EPM2AIP1: variants seen among roughly 807,000 people sequenced by gnomAD.
EPM2AIP1 encodes the protein EPM2A-interacting protein 1.
A neutral mutation model predicts 44.8 loss-of-function variants in EPM2AIP1; 23 were observed. The observed-to-expected ratio is 0.51, with a 90% CI of 0.37 to 0.73. EPM2AIP1 has a LOEUF of 0.73. Among genes scored for constraint, EPM2AIP1 ranks in the 30% least tolerant of loss-of-function variants. The pLI, the probability that EPM2AIP1 is intolerant of heterozygous loss-of-function variation, is 0.00. For synonymous variants in EPM2AIP1, 311 were observed against 284.3 expected, an observed-to-expected ratio of 1.09 and a Z score of -0.94; for missense variants, 652 against 743.9, an observed-to-expected ratio of 0.88 and a Z score of 1.44.
At position 36,991,275 on chromosome 3, in the gene EPM2AIP1, T is replaced by C. The variant is rs771957628; in HGVS notation, c.1803A>G (p.Glu601=). The part of the protein sequence containing the change: ...MEPGWDDLVR[E]RNESNP ...AGCCTTATGGATTAGATTCATTTCTTTCTCTCACAAGGTCATCCCAACCGG... is the reference window on the plus strand; with the variant it reads ...AGCCTTATGGATTAGATTCATTTCTCTCTCTCACAAGGTCATCCCAACCGG... Residue 601 remains glutamate (E), a synonymous_variant, in exon 1 of 1, where the codon GAA becomes GAG. Transcript: ENST00000322716. 1 of 1,607,454 alleles carries C rather than the reference T, an allele frequency of 6.2e-7. No individual in the cohort carries two copies. The highest frequency in any genetic ancestry group is 8.5e-7 in the Non-Finnish European group (1 of 1,175,900).
In EPM2AIP1 at chr3:36,991,740, C is replaced by T; in HGVS notation, c.1338G>A (p.Gln446=). 1 of 1,613,654 alleles carries T rather than the reference C, an allele frequency of 6.2e-7. No individual in the cohort carries two copies. The highest frequency in any genetic ancestry group is 2.2e-5 in the East Asian group (1 of 44,866). Residue 446 remains glutamine (Q), a synonymous_variant, in exon 1 of 1, where the codon CAG becomes CAA. Coordinates refer to ENST00000322716, the MANE Select transcript of EPM2AIP1 (RefSeq NM_014805.4). ...ALREVVDELK[Q]QNKEDEKIFD... Reference sequence around the variant, plus strand: ...ATATTTTTTCATCTTCCTTATTTTGCTGTTTTAGCTCATCAACAACTTCTC... The same window carrying T: ...ATATTTTTTCATCTTCCTTATTTTGTTGTTTTAGCTCATCAACAACTTCTC...
chr3:36,986,876 TATGCCTC>T lies in EPM2AIP1; in HGVS notation c.*4371_*4377del. On this transcript the variant is annotated 3_prime_UTR_variant, in exon 1 of 1. Transcript: ENST00000322716. ...CTGTTAAGATCTCTGAATGACTTAA[TATGCCTC>T]AGACTAAAACTCCAACTAAGATTAT... is the stretch of plus-strand genomic sequence containing the variant. The T allele has an allele frequency of 6.6e-6, 1 of 150,972 alleles. No homozygotes were observed. Among genetic ancestry groups the T allele is most frequent in the African/African-American group, 2.4e-5 (1 of 41,104 alleles). 9.4% of individuals were successfully genotyped at this position (150,972 alleles called of 1,614,324 possible).
chr3:36,987,648 G>GT lies in EPM2AIP1; in HGVS notation c.*3605dup, dbSNP rs2080777720. ...CATACAACAGAGAAAACCACAATTT[G>GT]TTTAACAGTCACATAATACATATTT... On this transcript the variant is annotated 3_prime_UTR_variant, in exon 1 of 1. Coordinates refer to ENST00000322716, the MANE Select transcript of EPM2AIP1 (RefSeq NM_014805.4). The GT allele has an allele frequency of 6.6e-6, 1 of 152,036 alleles. No homozygotes were observed. Among genetic ancestry groups the GT allele is most frequent in the South Asian group, 2.1e-4 (1 of 4,828 alleles). 9.4% of individuals were successfully genotyped at this position (152,036 alleles called of 1,614,324 possible).
Position 36,988,145 on chromosome 3 carries a change from C to T in EPM2AIP1, c.*3109G>A, listed in dbSNP as rs911661897. 33 of 152,022 alleles carry T rather than the reference C, an allele frequency of 2.2e-4. No individual in the cohort carries two copies. Among genetic ancestry groups the T allele is most frequent in the African/African-American group, 8.0e-4 (33 of 41,380 alleles). The allele number at this position is 152,022 out of a possible 1,614,324, so 9.4% of individuals were successfully genotyped here. On this transcript the variant is annotated 3_prime_UTR_variant, in exon 1 of 1. Transcript: ENST00000322716. ...AGATGAAGATAAATTTGTATTGTACCCTAAGAGCAATGGTGAAAGCAATGC... is the reference window on the plus strand; with the variant it reads ...AGATGAAGATAAATTTGTATTGTACTCTAAGAGCAATGGTGAAAGCAATGC...
At position 36,987,868 on chromosome 3, in the gene EPM2AIP1, C is replaced by G. The variant is rs1405459234; in HGVS notation, c.*3386G>C. ...AATTGTAAAACACTACACAAATATTCGTTTGTCCAAACATTTATTGAAATG... is the reference window on the plus strand; with the variant it reads ...AATTGTAAAACACTACACAAATATTGGTTTGTCCAAACATTTATTGAAATG... On this transcript the variant is annotated 3_prime_UTR_variant, in exon 1 of 1. Coordinates refer to ENST00000322716, the MANE Select transcript of EPM2AIP1 (RefSeq NM_014805.4). The G allele has an allele frequency of 6.6e-6, 1 of 152,310 alleles. No individual in the cohort carries two copies. Among genetic ancestry groups the G allele is most frequent in the African/African-American group, 2.4e-5 (1 of 41,564 alleles). 9.4% of individuals were successfully genotyped at this position (152,310 alleles called of 1,614,324 possible). A position where few individuals can be genotyped will look rare whatever the true frequency, so the allele number is the denominator to read the frequency against.
chr3:36,992,107 T>G lies in EPM2AIP1; in HGVS notation c.971A>C (p.Glu324Ala). ...CCTTTCACCATGCTCTGATTCAGAT[T>G]CCGTTAGTAAAGTCTGAAATTCAGG... ...RRPEFQTLLT[E>A]SESEHGERVN... The change falls in exon 1 of 1, where the codon GAA (glutamate) becomes GCA (alanine). Residue 324 changes from glutamate (E) to alanine (A), a missense_variant. Transcript: ENST00000322716. This position sits in a 1 kb window ranked among gnomAD's most constrained non-coding sequence, Gnocchi z 5.3. 1 of 1,614,074 alleles carries G rather than the reference T, an allele frequency of 6.2e-7. No individual in the cohort carries two copies. The highest frequency in any genetic ancestry group is 8.5e-7 in the Non-Finnish European group (1 of 1,179,910).
chr3:36,993,128 AGAG>A lies in EPM2AIP1; in HGVS notation c.-54_-52del, dbSNP rs953169437. Reference sequence around the variant, plus strand: ...CCAACGTTAGAAAGGCCGCAAGGGGAGAGGAGGAGCCTGAGAAGCGCCAAGCAC... The same window carrying A: ...CCAACGTTAGAAAGGCCGCAAGGGGAGAGGAGCCTGAGAAGCGCCAAGCAC... On this transcript the variant is annotated 5_prime_UTR_variant, in exon 1 of 1. Coordinates refer to ENST00000322716, the MANE Select transcript of EPM2AIP1 (RefSeq NM_014805.4). 36 of 1,547,880 alleles carry A rather than the reference AGAG, an allele frequency of 2.3e-5. No homozygotes were observed. Among genetic ancestry groups the A allele is most frequent in the Non-Finnish European group, 3.0e-5 (34 of 1,146,266 alleles).
Position 36,993,062 on chromosome 3 carries a change from T to C in EPM2AIP1, c.16A>G (p.Lys6Glu), listed in dbSNP as rs1268465114. ...TCGTCGACTTCCATCTTGCTTCTTT[T>C]GGGCGTCATCCACATTCTGCGGGAG... MWMTPKRSKMEVDEAL... is the reference protein window; with the variant it reads MWMTPERSKMEVDEAL... Residue 6 changes from lysine to glutamate, a missense_variant, in exon 1 of 1, where the codon AAA becomes GAA. Coordinates refer to ENST00000322716, the MANE Select transcript of EPM2AIP1 (RefSeq NM_014805.4). The C allele has an allele frequency of 1.2e-6, 2 of 1,606,020 alleles. No individual in the cohort carries two copies. The highest frequency in any genetic ancestry group is 1.7e-6 in the Non-Finnish European group (2 of 1,174,938).
In EPM2AIP1 at chr3:36,988,759, A is replaced by G. The variant is rs966274628; in HGVS notation, c.*2495T>C. 2.2e-4 allele frequency: 33 copies of G among 152,144 alleles called. No individual in the cohort carries two copies. The highest frequency in any genetic ancestry group is 7.7e-4 in the African/African-American group (32 of 41,432). 9.4% of individuals were successfully genotyped at this position (152,144 alleles called of 1,614,324 possible). A position where few individuals can be genotyped will look rare whatever the true frequency, so the allele number is the denominator to read the frequency against. On this transcript the variant is annotated 3_prime_UTR_variant, in exon 1 of 1. Transcript: ENST00000322716. ...AGCATAGTAGAGCAATTTGAGTGGC[A>G]ATACGGGACACTGGGAATACAAATC... is the stretch of plus-strand genomic sequence containing the variant.
At position 36,988,413 on chromosome 3, in the gene EPM2AIP1, A is replaced by T. The variant is rs944507650; in HGVS notation, c.*2841T>A. ...CAGGATTGGGGGCAAGATCAATGAC[A>T]TGTAGTGCCTGAGACAGCAAAGAGC... On this transcript the variant is annotated 3_prime_UTR_variant, in exon 1 of 1. Coordinates refer to ENST00000322716, the MANE Select transcript of EPM2AIP1 (RefSeq NM_014805.4). The T allele has an allele frequency of 6.6e-6, 1 of 152,168 alleles. No homozygotes were observed. The highest frequency in any genetic ancestry group is 1.5e-5 in the Non-Finnish European group (1 of 68,024). The allele number at this position is 152,168 out of a possible 1,614,324, so 9.4% of individuals were successfully genotyped here. A position where few individuals can be genotyped will look rare whatever the true frequency, so the allele number is the denominator to read the frequency against.
At position 36,992,385 on chromosome 3, in the gene EPM2AIP1, C is replaced by G; in HGVS notation, c.693G>C (p.Leu231=). ...TCTGCAAGCTAAGCCCTGCTGTCTG[C>G]AGGGACTCTAGGATTGCCGACATGA... ...GALMSAILES[L]QTAGLSLQRM... is the part of the protein sequence containing the mutation. The change falls in exon 1 of 1, where the codon CTG becomes CTC. Residue 231 remains leucine, a synonymous_variant. Transcript: ENST00000322716. This position sits in a 1 kb window ranked among gnomAD's most constrained non-coding sequence, Gnocchi z 5.3. 1 of 1,613,988 alleles carries G rather than the reference C, an allele frequency of 6.2e-7. No individual in the cohort carries two copies. The highest frequency in any genetic ancestry group is 1.1e-5 in the South Asian group (1 of 91,084).
Position 36,990,385 on chromosome 3 carries a change from C to G in EPM2AIP1, c.*869G>C, listed in dbSNP as rs2080795228. ...CTAAAATATCTCACACCTCCTAATC[C>G]TGGAGTGCAATCTTTTTTCCTCATC... On this transcript the variant is annotated 3_prime_UTR_variant, in exon 1 of 1. Transcript: ENST00000322716. The G allele has an allele frequency of 1.0e-6, 1 of 982,786 alleles. No individual in the cohort carries two copies. Among genetic ancestry groups the G allele is most frequent in the Non-Finnish European group, 1.2e-6 (1 of 827,736 alleles). The allele number at this position is 982,786 out of a possible 1,614,324, so 60.9% of individuals were successfully genotyped here.
chr3:36,992,611 C>T lies in EPM2AIP1; in HGVS notation c.467G>A (p.Ser156Asn), dbSNP rs1274691074. 3 of 1,614,046 alleles carry T rather than the reference C, an allele frequency of 1.9e-6. No homozygotes were observed. Among genetic ancestry groups the T allele is most frequent in the Non-Finnish European group, 2.5e-6 (3 of 1,179,910 alleles). ...SPDITRQRIL[S>N]IDRNLRNQLF... ...CTGGTTGCGTAGATTCCTGTCAATG[C>T]TCAGGATCCTCTGCCTTGTGATATC... The change falls in exon 1 of 1, where the codon AGC becomes AAC. Residue 156 changes from serine to asparagine, a missense_variant. By Grantham distance (46) the Ser-to-Asn change is conservative. Coordinates refer to ENST00000322716, the MANE Select transcript of EPM2AIP1 (RefSeq NM_014805.4). The surrounding 1 kb of genome is among the most constrained non-coding windows in gnomAD (Gnocchi z 5.3).
In EPM2AIP1 at chr3:36,990,531, C is replaced by T. The variant is rs1239153412; in HGVS notation, c.*723G>A. The T allele has an allele frequency of 6.1e-6, 6 of 984,910 alleles. No homozygotes were observed. Among genetic ancestry groups the T allele is most frequent in the African/African-American group, 1.8e-5 (1 of 56,964 alleles). 61.0% of individuals were successfully genotyped at this position (984,910 alleles called of 1,614,324 possible). ...TTTAATAGGCAAGCTGATAAAATAG[C>T]CCCCAGTTATTAAAAAAAAAATCCA... On this transcript the variant is annotated 3_prime_UTR_variant, in exon 1 of 1. Coordinates refer to ENST00000322716, the MANE Select transcript of EPM2AIP1 (RefSeq NM_014805.4).
chr3:36,992,724 C>T lies in EPM2AIP1; in HGVS notation c.354G>A (p.Gly118=). 1.2e-6 allele frequency: 2 copies of T among 1,613,918 alleles called. No homozygotes were observed. Among genetic ancestry groups the T allele is most frequent in the Non-Finnish European group, 8.5e-7 (1 of 1,179,892 alleles). ...CCTCCATGCACTGGTATACAAAGTC[C>T]CCCTCACCCCAGCCGCGACCCTTCA... The part of the protein sequence containing the change: ...LALKGRGWGE[G]DFVYQCMEVL... Residue 118 remains glycine (G), a synonymous_variant, in exon 1 of 1, where the codon GGG becomes GGA. Coordinates refer to ENST00000322716, the MANE Select transcript of EPM2AIP1 (RefSeq NM_014805.4). The surrounding 1 kb of genome is among the most constrained non-coding windows in gnomAD (Gnocchi z 5.3).
At position 36,989,640 on chromosome 3, in the gene EPM2AIP1, T is replaced by C. The variant is rs1279301225; in HGVS notation, c.*1614A>G. Reference sequence around the variant, plus strand: ...ATCTGCCCTATCCCTTGAAATAAAATAATCTACATTTTGGGAGGGCTAATT... The same window carrying C: ...ATCTGCCCTATCCCTTGAAATAAAACAATCTACATTTTGGGAGGGCTAATT... On this transcript the variant is annotated 3_prime_UTR_variant, in exon 1 of 1. Coordinates refer to ENST00000322716, the MANE Select transcript of EPM2AIP1 (RefSeq NM_014805.4). 6.6e-6 allele frequency: 1 copy of C among 152,038 alleles called. No homozygotes were observed. Among genetic ancestry groups the C allele is most frequent in the Non-Finnish European group, 1.5e-5 (1 of 68,036 alleles). The allele number at this position is 152,038 out of a possible 1,614,324, so 9.4% of individuals were successfully genotyped here. A position where few individuals can be genotyped will look rare whatever the true frequency, so the allele number is the denominator to read the frequency against.
chr3:36,992,642 A>T lies in EPM2AIP1; in HGVS notation c.436T>A (p.Ser146Thr). The T allele has an allele frequency of 6.2e-7, 1 of 1,614,016 alleles. No individual in the cohort carries two copies. Among genetic ancestry groups the T allele is most frequent in the Non-Finnish European group, 8.5e-7 (1 of 1,179,900 alleles). The part of the protein sequence containing the change: ...HVSVLQGVDL[S>T]PDITRQRILS... ...ATCCTCTGCCTTGTGATATCTGGAG[A>T]TAAGTCAACGCCTTGCAGGACGCTT... Residue 146 changes from serine (S) to threonine (T), a missense_variant, in exon 1 of 1, where the codon TCT becomes ACT. Coordinates refer to ENST00000322716, the MANE Select transcript of EPM2AIP1 (RefSeq NM_014805.4). This position sits in a 1 kb window ranked among gnomAD's most constrained non-coding sequence, Gnocchi z 5.3.
In EPM2AIP1 at chr3:36,992,330, A is replaced by G. The variant is rs774557411; in HGVS notation, c.748T>C (p.Leu250=). The G allele has an allele frequency of 6.2e-7, 1 of 1,613,920 alleles. No homozygotes were observed. Among genetic ancestry groups the G allele is most frequent in the South Asian group, 1.1e-5 (1 of 91,080 alleles). ...CCTGAGTTCTCACCAATCATCCTCA[A>G]AGTATGGGTCGTGGTCAGTCCAACC... ...RMVGLTTTHT[L]RMIGENSGLV... The change falls in exon 1 of 1, where the codon TTG becomes CTG. Residue 250 remains leucine, a synonymous_variant. Coordinates refer to ENST00000322716, the MANE Select transcript of EPM2AIP1 (RefSeq NM_014805.4). This position sits in a 1 kb window ranked among gnomAD's most constrained non-coding sequence, Gnocchi z 5.3.
chr3:36,991,036 A>T lies in EPM2AIP1; in HGVS notation c.*218T>A. 1 of 1,249,984 alleles carries T rather than the reference A, an allele frequency of 8.0e-7. No individual in the cohort carries two copies. Among genetic ancestry groups the T allele is most frequent in the Non-Finnish European group, 1.0e-6 (1 of 995,966 alleles). 77.4% of individuals were successfully genotyped at this position (1,249,984 alleles called of 1,614,324 possible). A position where few individuals can be genotyped will look rare whatever the true frequency, so the allele number is the denominator to read the frequency against. On this transcript the variant is annotated 3_prime_UTR_variant, in exon 1 of 1. Transcript: ENST00000322716. ...TAAAAGACAATGACTTTGTCACTAAACTAAGTTTTAAAAAAGGTGGCATTC... is the reference window on the plus strand; with the variant it reads ...TAAAAGACAATGACTTTGTCACTAATCTAAGTTTTAAAAAAGGTGGCATTC...
Sources: allele counts gnomAD v4.1 joint callset, GRCh38; gene constraint gnomAD v4.1.1; non-coding constraint Gnocchi (gnomAD v3.1); transcripts MANE v1.5; gene names NCBI Gene and HGNC (gene_info 2026-07-23, HGNC 2026-07-21).